The following PRKCH variants were observed in gnomAD, a reference collection of about 807,000 sequenced individuals.
PRKCH encodes the protein protein kinase C eta type.
In PRKCH, 28 loss-of-function variants were observed where a neutral mutation model predicts 82.5. The ratio of observed to expected loss-of-function variants is 0.34; its 90% CI spans 0.25 to 0.47. The LOEUF is 0.47. Among genes scored for constraint, PRKCH ranks in the 20% least tolerant of loss-of-function variants. The pLI is 1.00. For missense variants in PRKCH, 705 were observed against 881.8 expected (o/e 0.80, Z 2.54); for synonymous variants, 322 against 327.4 (o/e 0.98, Z 0.18).
intron 1 of PRKCH, among the ~76,000 whole-genome samples, chr14:61,360,137 A>G (rs2046203883): frequency 6.6e-6 from 1 of 152,244 alleles, no homozygotes; most frequent in South Asian, 2.1e-4. Flanking sequence ...ATGTTTTCTT[A>G]TACAACTCAA....
At chr14:61,492,430 C>A (rs772387235) in intron 10 of PRKCH, 4 of 152,286 alleles carry the variant, frequency 2.6e-5, no homozygotes, top group Admixed American at 6.5e-5. Context: ...AGATGAGGGA[C>A]TTCAGGTGTG....
intron 10 of PRKCH, among the ~76,000 whole-genome samples, chr14:61,512,249 C>CTTTTTT (rs11342820): frequency 8.4e-6 from 1 of 118,538 alleles, no homozygotes. Flanking sequence ...TCACATGACC[C>CTTTTTT]TTTTTTTTTT....
intron 9 of PRKCH, among the ~76,000 whole-genome samples, chr14:61,473,483 T>C (rs112720462): frequency 2.6e-5 from 4 of 151,768 alleles, no homozygotes; most frequent in African/African-American, 9.7e-5. Flanking sequence ...ATCATGGGAG[T>C]GGAGTCAAGG....
At chr14:61,469,374 G>A (rs1393407334) in intron 9 of PRKCH, among the ~76,000 whole-genome samples, 1 of 152,226 alleles carries the variant, frequency 6.6e-6, no homozygotes, top group Non-Finnish European at 1.5e-5. Flanking sequence ...TGAACATTGG[G>A]TTCTAGGGGA....
chr14:61,500,396 CTA>C (rs1482134083), intron 10 of PRKCH, among the ~76,000 whole-genome samples: 1 of 151,978 alleles, frequency 6.6e-6, no homozygotes, highest in African/African-American at 2.4e-5. Flanking sequence ...TGGGGTCTCG[CTA>C]TGTTGCCCAG....
chr14:61,272,221 C>T (rs1406898706), intron 1 of PRKCH, among the ~76,000 whole-genome samples: 6 of 125,858 alleles, frequency 4.8e-5, no homozygotes, highest in African/African-American at 1.5e-4. Flanking sequence ...CAGCGAGACT[C>T]GGTCTCCAAA....
chr14:61,202,270 T>C (rs1252705416), intron 1 of PRKCH, among the ~76,000 whole-genome samples: 1 of 152,250 alleles, frequency 6.6e-6, no homozygotes, highest in African/African-American at 2.4e-5. Context: ...AGGACACTTC[T>C]GAACTTTTCA....
intron 1 of PRKCH, among the ~76,000 whole-genome samples, chr14:61,290,031 T>C (rs1200541423): frequency 2.0e-5 from 3 of 152,148 alleles, no homozygotes; most frequent in African/African-American, 4.8e-5. Flanking sequence ...CGGTGGCCCA[T>C]GCCTGTTATC....
At chr14:61,330,012 A>T (rs1237180209) in intron 1 of PRKCH, among the ~76,000 whole-genome samples, 2 of 152,248 alleles carry the variant, frequency 1.3e-5, no homozygotes, top group Non-Finnish European at 2.9e-5. Context: ...ACCAATGAGC[A>T]TGTACTAAGT....
intron 10 of PRKCH, among the ~76,000 whole-genome samples, chr14:61,506,618 T>C (rs990683603): frequency 1.3e-5 from 2 of 152,154 alleles, no homozygotes; most frequent in African/African-American, 4.8e-5. Flanking sequence ...AGCCCTGAAC[T>C]AACTGCCCTG....
chr14:61,265,100 A>G (rs2045085948), intron 1 of PRKCH, among the ~76,000 whole-genome samples: 1 of 152,224 alleles, frequency 6.6e-6, no homozygotes, highest in African/African-American at 2.4e-5. Flanking sequence ...AATCCTCAAC[A>G]TAACCTTTTT....
chr14:61,452,937 C>A, intron 6 of PRKCH: 1 of 409,794 alleles, frequency 2.4e-6, no homozygotes, highest in Non-Finnish European at 4.4e-6. Flanking sequence ...GGCAGCAATG[C>A]CTGTTACATG....
intron 1 of PRKCH, among the ~76,000 whole-genome samples, chr14:61,370,937 G>A (rs1365414361): frequency 6.6e-6 from 1 of 152,034 alleles, no homozygotes; most frequent in Non-Finnish European, 1.5e-5. Flanking sequence ...GGAGACAGTT[G>A]GGACAGGGGA....
intron 10 of PRKCH, among the ~76,000 whole-genome samples, chr14:61,489,402 CA>C (rs1886364562): frequency 1.3e-5 from 2 of 152,226 alleles, no homozygotes; most frequent in Admixed American, 1.3e-4. Context: ...GCTCCTCTGA[CA>C]CAAATTTCTT....
rs546862414 is a variant in PRKCH, at chr14:61,339,414, C to T, written c.363+16950C>T. Among the ~76,000 whole-genome samples, 412 of 150,854 alleles carry T rather than the reference C, an allele frequency of 2.7e-3. 2 individuals are homozygous for T. The highest frequency in any genetic ancestry group is 0.014 in the Middle Eastern group (4 of 290). ...TCTCAGCTCACTGCAAGCTTTGCCT[C>T]CCGGGTTCACGCCATTCTCCTGCCT... On this transcript the variant is annotated intron_variant, in intron 1 of 13. Transcript: ENST00000332981.
intron 1 of PRKCH, among the ~76,000 whole-genome samples, chr14:61,360,079 T>C (rs1417656795): frequency 6.6e-6 from 1 of 152,258 alleles, no homozygotes; most frequent in East Asian, 1.9e-4. Flanking sequence ...CCTGTATCTT[T>C]AGCGACAATA....
chr14:61,322,177 C>A lies in PRKCH; in HGVS notation c.76C>A (p.Arg26Ser). The A allele has an allele frequency of 6.2e-7, 1 of 1,610,994 alleles. No individual in the cohort carries two copies. Among genetic ancestry groups the A allele is most frequent in the Non-Finnish European group, 8.5e-7 (1 of 1,178,898 alleles). ...TGAGGCAGTGGGGCTGCAGCCCACC[C>A]GCTGGTCCCTGCGCCACTCGCTCTT... is the stretch of plus-strand genomic sequence containing the variant. ...IGEAVGLQPT[R>S]WSLRHSLFKK... The change falls in exon 1 of 14, where the codon CGC becomes AGC. Residue 26 changes from arginine to serine, a missense_variant. This residue lies in a region of PRKCH where 246 missense variants were observed against 308.0 expected (regional missense o/e 0.80). Transcript: ENST00000332981.
chr14:61,387,127 G>A (rs2046599999), intron 1 of PRKCH, among the ~76,000 whole-genome samples: 1 of 152,236 alleles, frequency 6.6e-6, no homozygotes, highest in Non-Finnish European at 1.5e-5. Context: ...GCAGAAGCGA[G>A]ATCTTGTCCC....
At position 61,530,713 on chromosome 14, in the gene PRKCH, A is replaced by G. The variant is rs1039489858; in HGVS notation, c.1761+118A>G. On this transcript the variant is annotated intron_variant, in intron 12 of 13. Transcript: ENST00000332981. The stretch of plus-strand genomic sequence containing the variant: ...ACCACTAGCTCTAACTAAAATTTGT[A>G]TTGTTCTAATCTAAAGAATCAAAGA... 4.2e-6 allele frequency: 4 copies of G among 942,304 alleles called. No individual in the cohort carries two copies. The East Asian group carries it at 1.1e-4, about 26-fold the overall frequency. 58.4% of individuals were successfully genotyped at this position (942,304 alleles called of 1,614,324 possible).
Sources: gnomAD v4.1 joint callset for allele counts (sites outside exome capture counted in the v4.1 genomes callset) on GRCh38, gnomAD v4.1.1 for gene constraint, gnomAD v4.1.1 regional missense constraint, MANE v1.5 for transcripts, NCBI Gene and HGNC (gene_info 2026-07-23, HGNC 2026-07-21) for gene names.